TOP1: variants seen among roughly 807,000 people sequenced by gnomAD.
TOP1 encodes the protein DNA topoisomerase I.
In TOP1, 10 loss-of-function variants were observed where a neutral mutation model predicts 111.1. The observed-to-expected ratio is 0.09, with a 90% CI of 0.06 to 0.15. The LOEUF is 0.15. Among genes scored for constraint, TOP1 ranks in the 10% least tolerant of loss-of-function variants. The pLI, the probability that TOP1 is intolerant of heterozygous loss-of-function variation, is 1.00. For synonymous variants in TOP1, 271 were observed against 302.9 expected (o/e 0.89, Z 1.10); for missense variants, 474 against 926.7 (o/e 0.51, Z 6.34).
Position 41,094,930 on chromosome 20 carries a change from C to G in TOP1, c.731-2290C>G, listed in dbSNP as rs985800745. On this transcript the variant is annotated intron_variant, in intron 9 of 20. Coordinates refer to ENST00000361337, the MANE Select transcript of TOP1 (RefSeq NM_003286.4). This position sits in a 1 kb window ranked among gnomAD's most constrained non-coding sequence, Gnocchi z 4.4. ...CAGTCATCCTCCCACTACTCTGATG[C>G]AGGGAGCCATCATTTCATCTTTTGA... 3.9e-5 allele frequency among the ~76,000 whole-genome samples: 6 copies of G among 152,202 alleles called. No individual in the cohort carries two copies. The highest frequency in any genetic ancestry group is 5.9e-5 in the Non-Finnish European group (4 of 68,026).
intron 3 of TOP1, among the ~76,000 whole-genome samples, chr20:41,064,993 C>T (rs976894142): frequency 2.6e-5 from 4 of 152,136 alleles, no homozygotes; most frequent in Non-Finnish European, 4.4e-5. Flanking sequence ...CTATCTCCAC[C>T]TCCCAGGTTC....
chr20:41,110,602 GA>G lies in TOP1; in HGVS notation c.1309-2179del, dbSNP rs1275300105. On this transcript the variant is annotated intron_variant, in intron 13 of 20. Transcript: ENST00000361337. This position sits in a 1 kb window ranked among gnomAD's most constrained non-coding sequence, Gnocchi z 4.2. ...TGCTGAATGGATAGCAGCTATATTA[GA>G]GAGACAATATAGTGGGCCTACTAGT... Among the ~76,000 whole-genome samples, 1 of 152,206 alleles carries G rather than the reference GA, an allele frequency of 6.6e-6. No homozygotes were observed. The highest frequency in any genetic ancestry group is 6.5e-5 in the Admixed American group (1 of 15,288).
Position 41,092,600 on chromosome 20 carries a change from A to T in TOP1, c.730+13A>T, listed in dbSNP as rs1198060424. 3.7e-6 allele frequency: 5 copies of T among 1,338,640 alleles called. No homozygotes were observed. The highest frequency in any genetic ancestry group is 4.2e-6 in the Non-Finnish European group (4 of 953,088). The allele number at this position is 1,338,640 out of a possible 1,614,324, so 82.9% of individuals were successfully genotyped here. On this transcript the variant is annotated intron_variant, in intron 9 of 20. Coordinates refer to ENST00000361337, the MANE Select transcript of TOP1 (RefSeq NM_003286.4). The surrounding 1 kb of genome is among the most constrained non-coding windows in gnomAD (Gnocchi z 4.3). ...TTTTATTATGATGGTGAGTTGTTTC[A>T]AGGTTCTTGATTCTTGGCCAGGAAA...
rs2034058902 is a variant in TOP1, at chr20:41,101,205, C to T, written c.1164-4C>T. The T allele has an allele frequency of 1.2e-6, 2 of 1,613,776 alleles. No homozygotes were observed. The highest frequency in any genetic ancestry group is 1.3e-5 in the African/African-American group (1 of 74,908). ...TCACTATCCTCGTGCTCTGTTATTTCCAGAGATGCCAAGGTTCCTTCTCCT... is the reference window on the plus strand; with the variant it reads ...TCACTATCCTCGTGCTCTGTTATTTTCAGAGATGCCAAGGTTCCTTCTCCT... On this transcript the variant is annotated splice_polypyrimidine_tract_variant and splice_region_variant and intron_variant, in intron 12 of 20. Transcript: ENST00000361337. The surrounding 1 kb of genome is among the most constrained non-coding windows in gnomAD (Gnocchi z 4.1).
chr20:41,059,981 G>A (rs553662627), intron 2 of TOP1, among the ~76,000 whole-genome samples: 1 of 152,260 alleles, frequency 6.6e-6, no homozygotes, highest in East Asian at 1.9e-4. Context: ...ACCACAGTGA[G>A]GTACCACTCC....
intron 8 of TOP1, among the ~76,000 whole-genome samples, chr20:41,090,386 G>A (rs551008759): frequency 2.6e-4 from 39 of 152,090 alleles, no homozygotes; most frequent in African/African-American, 7.2e-4. Flanking sequence ...TATATATTTT[G>A]TATGTTAACC....
At chr20:41,081,097 G>T in intron 6 of TOP1, 68 bp from the exon 7 acceptor site, 1 of 1,468,310 alleles carries the variant, frequency 6.8e-7, no homozygotes, top group Non-Finnish European at 9.2e-7. Context: ...AGAGTTTGTA[G>T]GTCTCCTATG....
chr20:41,080,067 AAT>A lies in TOP1; in HGVS notation c.336-17_336-16del, dbSNP rs1291509327. 1.3e-6 allele frequency: 2 copies of A among 1,524,858 alleles called. No individual in the cohort carries two copies. Among genetic ancestry groups the A allele is most frequent in the Non-Finnish European group, 9.1e-7 (1 of 1,103,826 alleles). 94.5% of individuals were successfully genotyped at this position (1,524,858 alleles called of 1,614,324 possible). A position where few individuals can be genotyped will look rare whatever the true frequency, so the allele number is the denominator to read the frequency against. Reference sequence around the variant, plus strand: ...CAGATGTTCTAGCACTCTGACCAGCAATTTTTTTTCTCTTTAGTCCACCACAA... The same window carrying A: ...CAGATGTTCTAGCACTCTGACCAGCATTTTTTTCTCTTTAGTCCACCACAA... On this transcript the variant is annotated splice_polypyrimidine_tract_variant and intron_variant, in intron 5 of 20. Coordinates refer to ENST00000361337, the MANE Select transcript of TOP1 (RefSeq NM_003286.4). This position sits in a 1 kb window ranked among gnomAD's most constrained non-coding sequence, Gnocchi z 5.0.
chr20:41,036,470 A>G (rs891292687), intron 2 of TOP1, among the ~76,000 whole-genome samples: 14 of 152,214 alleles, frequency 9.2e-5, no homozygotes, highest in Admixed American at 9.2e-4. Context: ...ATGTTTCACA[A>G]ACTGTTGAGA....
intron 5 of TOP1, among the ~76,000 whole-genome samples, chr20:41,077,907 G>T (rs1346077225): frequency 2.0e-5 from 3 of 147,932 alleles, no homozygotes; most frequent in Admixed American, 6.7e-5. Context: ...GATTTGACTT[G>T]CATATCACAA....
chr20:41,112,273 A>G lies in TOP1; in HGVS notation c.1309-509A>G, dbSNP rs1380568965. ...AATTCAGTCCTGGTAGAAAACTGCT[A>G]TTGGGTCACAGAGTTGGCAGCAAGG... On this transcript the variant is annotated intron_variant, in intron 13 of 20. Coordinates refer to ENST00000361337, the MANE Select transcript of TOP1 (RefSeq NM_003286.4). This position sits in a 1 kb window ranked among gnomAD's most constrained non-coding sequence, Gnocchi z 5.8. 2.0e-5 allele frequency among the ~76,000 whole-genome samples: 3 copies of G among 152,174 alleles called. No homozygotes were observed. In the East Asian group the frequency reaches 5.8e-4, roughly 29 times the overall value.
rs942847648 is a variant in TOP1 at position 41,071,499 on chromosome 20, C to A, written c.156-4672C>A. 1.3e-5 allele frequency among the ~76,000 whole-genome samples: 2 copies of A among 152,148 alleles called. No homozygotes were observed. Among genetic ancestry groups the A allele is most frequent in the Non-Finnish European group, 2.9e-5 (2 of 68,028 alleles). ...AGCTGGGATTACAGGCATGTGCCAC[C>A]ACGCCCAGCTAATTTTTGTATTTTT... On this transcript the variant is annotated intron_variant, in intron 3 of 20. Transcript: ENST00000361337. This position sits in a 1 kb window ranked among gnomAD's most constrained non-coding sequence, Gnocchi z 4.3.
chr20:41,045,731 G>T (rs1304265816), intron 2 of TOP1, among the ~76,000 whole-genome samples: 2 of 152,184 alleles, frequency 1.3e-5, no homozygotes, highest in Non-Finnish European at 2.9e-5. Flanking sequence ...ATTGTTATCA[G>T]TAATAAGTCA....
chr20:41,050,218 G>A (rs879713362), intron 2 of TOP1, among the ~76,000 whole-genome samples: 13 of 152,112 alleles, frequency 8.5e-5, no homozygotes, highest in African/African-American at 2.9e-4. Flanking sequence ...GGCTTTCACC[G>A]TGTTGGTCAG....
chr20:41,117,028 T>G (rs1342800037), intron 17 of TOP1, among the ~76,000 whole-genome samples: 2 of 152,206 alleles, frequency 1.3e-5, no homozygotes, highest in Non-Finnish European at 2.9e-5. Flanking sequence ...ACAATTTTTT[T>G]GGATGGCATT....
chr20:41,077,547 T>C (rs576131890), intron 4 of TOP1, 35 bp from the exon 5 acceptor site: 21 of 1,587,970 alleles, frequency 1.3e-5, no homozygotes, highest in African/African-American at 1.2e-4. Context: ...ATTTAGTCCT[T>C]TCAAGGTACT....
At chr20:41,048,337 A>C (rs927012625) in intron 2 of TOP1, among the ~76,000 whole-genome samples, 1 of 152,206 alleles carries the variant, frequency 6.6e-6, no homozygotes, top group Non-Finnish European at 1.5e-5. Context: ...TTGTGTTAAA[A>C]TATCTGAGGA....
intron 7 of TOP1, 98 bp from the exon 8 acceptor site, chr20:41,084,364 C>CT: frequency 3.2e-6 from 2 of 632,200 alleles, no homozygotes; most frequent in Admixed American, 3.0e-5. Flanking sequence ...TTCTAATACT[C>CT]TATGATTACA....
chr20:41,101,159 A>G lies in TOP1; in HGVS notation c.1164-50A>G, dbSNP rs1460341973. On this transcript the variant is annotated intron_variant, in intron 12 of 20. Transcript: ENST00000361337. The surrounding 1 kb of genome is among the most constrained non-coding windows in gnomAD (Gnocchi z 4.1). ...GTCCACTTGGGGTCATGAAAGGTGA[A>G]ATTATTCCTCACATCTTATTTCACT... 8.7e-6 allele frequency: 14 copies of G among 1,605,586 alleles called. No homozygotes were observed. The highest frequency in any genetic ancestry group is 1.2e-5 in the Non-Finnish European group (14 of 1,173,332).
Sources: gnomAD v4.1 joint callset for allele counts (sites outside exome capture counted in the v4.1 genomes callset) on GRCh38, gnomAD v4.1.1 for gene constraint, Gnocchi (gnomAD v3.1) non-coding constraint, MANE v1.5 for transcripts, NCBI Gene and HGNC (gene_info 2026-07-23, HGNC 2026-07-21) for gene names.